Variants in SH3BP4 observed in about 807,000 individuals in gnomAD.
SH3BP4 encodes SH3 domain binding protein 4.
A neutral mutation model predicts 65.5 loss-of-function variants in SH3BP4; 33 were observed. The ratio of observed to expected loss-of-function variants is 0.50; its 90% CI spans 0.38 to 0.67. SH3BP4 has a LOEUF of 0.67. SH3BP4 is among the 30% of genes least tolerant of loss of function. The pLI, the probability that SH3BP4 is intolerant of heterozygous loss-of-function variation, is 0.00. For missense variants in SH3BP4, 1,134 were observed against 1,261.4 expected (o/e 0.90, Z 1.53); for synonymous variants, 552 against 545.5 (o/e 1.01, Z -0.17).
At chr2:234,986,017 A>C (rs1693545263) in intron 1 of SH3BP4, among the ~76,000 whole-genome samples, 1 of 151,390 alleles carries the variant, frequency 6.6e-6, no homozygotes, top group South Asian at 2.1e-4. Context: ...CTACGAGAAT[A>C]GGGTCCACGT....
intron 3 of SH3BP4, among the ~76,000 whole-genome samples, chr2:235,037,322 T>C (rs1695417796): frequency 6.6e-6 from 1 of 152,036 alleles, no homozygotes; most frequent in Non-Finnish European, 1.5e-5. Flanking sequence ...GAGGGCCTCA[T>C]CTAGAAGGGG....
chr2:234,959,656 T>C (rs1056213972), intron 1 of SH3BP4, among the ~76,000 whole-genome samples: 1 of 5,234 alleles, frequency 1.9e-4, no homozygotes, highest in African/African-American at 6.3e-4. Flanking sequence ...GATTTGACTT[T>C]TTTTTTTTTT....
chr2:235,021,638 GATAATA>G (rs1212473518), intron 2 of SH3BP4, among the ~76,000 whole-genome samples: 1 of 145,538 alleles, frequency 6.9e-6, no homozygotes, highest in Non-Finnish European at 1.5e-5. Context: ...AAAAAAAAAT[GATAATA>G]ATAAAGTTTA....
chr2:234,954,538 A>T (rs537070236), intron 1 of SH3BP4, among the ~76,000 whole-genome samples: 3 of 152,116 alleles, frequency 2.0e-5, no homozygotes, highest in African/African-American at 7.2e-5. Flanking sequence ...TTGTCTGTTC[A>T]TGTATTGTGC....
At chr2:234,981,151 A>G (rs567064125) in intron 1 of SH3BP4, among the ~76,000 whole-genome samples, 1 of 152,224 alleles carries the variant, frequency 6.6e-6, no homozygotes, top group Admixed American at 6.5e-5. Context: ...ACAATTCTGA[A>G]TTTTTCTGTC....
intron 1 of SH3BP4, among the ~76,000 whole-genome samples, chr2:234,983,068 C>T (rs985199646): frequency 6.6e-6 from 1 of 152,152 alleles, no homozygotes; most frequent in Non-Finnish European, 1.5e-5. Flanking sequence ...GCTATTGATG[C>T]AGCTGCTGCT....
At chr2:235,039,481 T>TA (rs61191874) in intron 3 of SH3BP4, among the ~76,000 whole-genome samples, 23 of 142,328 alleles carry the variant, frequency 1.6e-4, no homozygotes, top group Admixed American at 2.8e-4. Flanking sequence ...TTTGGCAACT[T>TA]AAAAAAAAAA....
Position 235,042,209 on chromosome 2 carries a change from C to T in SH3BP4, c.1440C>T (p.Gly480=), listed in dbSNP as rs1391778089. 6.2e-7 allele frequency: 1 copy of T among 1,614,084 alleles called. No individual in the cohort carries two copies. The highest frequency in any genetic ancestry group is 1.7e-5 in the Admixed American group (1 of 60,020). Residue 480 remains glycine (G), a synonymous_variant, in exon 4 of 6, where the codon GGC becomes GGT. Coordinates refer to ENST00000392011, the MANE Select transcript of SH3BP4 (RefSeq NM_014521.3). The surrounding 1 kb of genome is among the most constrained non-coding windows in gnomAD (Gnocchi z 7.3). ...AAAAAGTCACAGTGGGTCTCTACGG[C>T]CCTAAACACATCCACCCATCCTTCA... ...INKKVTVGLY[G]PKHIHPSFKT...
At chr2:234,971,062 C>T (rs186378378) in intron 1 of SH3BP4, among the ~76,000 whole-genome samples, 4 of 152,268 alleles carry the variant, frequency 2.6e-5, no homozygotes, top group Non-Finnish European at 5.9e-5. Context: ...ATGTTATCAT[C>T]CTAACCATCT....
At chr2:234,955,225 G>T (rs1692559271) in intron 1 of SH3BP4, among the ~76,000 whole-genome samples, 1 of 152,076 alleles carries the variant, frequency 6.6e-6, no homozygotes, top group African/African-American at 2.4e-5. Context: ...CTCAGTGCGC[G>T]GGTCAGCTTT....
intron 4 of SH3BP4, among the ~76,000 whole-genome samples, chr2:235,044,871 T>C (rs1054422076): frequency 1.3e-5 from 2 of 152,084 alleles, no homozygotes; most frequent in African/African-American, 4.8e-5. Context: ...GCCAGAAGCA[T>C]GGAGCCACGA....
At chr2:234,992,836 C>T (rs750111765) in intron 1 of SH3BP4, among the ~76,000 whole-genome samples, 35 of 149,400 alleles carry the variant, frequency 2.3e-4, no homozygotes, top group Admixed American at 4.0e-4. Context: ...GAGATGGACA[C>T]GTTCCTGCCG....
intron 2 of SH3BP4, among the ~76,000 whole-genome samples, chr2:235,009,183 T>C (rs1441570760): frequency 1.3e-5 from 2 of 152,182 alleles, no homozygotes; most frequent in African/African-American, 4.8e-5. Context: ...TAACCAGGCT[T>C]CCCAGAGTGC....
At chr2:234,954,646 TG>T (rs1372259210) in intron 1 of SH3BP4, among the ~76,000 whole-genome samples, 3 of 152,250 alleles carry the variant, frequency 2.0e-5, no homozygotes, top group Non-Finnish European at 4.4e-5. Flanking sequence ...CTGGGCTGCT[TG>T]AATAGACTTT....
rs950066706 is a variant in SH3BP4, at chr2:234,991,107, T to G, written c.-206-4196T>G. On this transcript the variant is annotated intron_variant, in intron 1 of 5. Transcript: ENST00000392011. The surrounding 1 kb of genome is among the most constrained non-coding windows in gnomAD (Gnocchi z 4.2). ...GAGGTACTGGTGATGCATACAAATT[T>G]GGGGGGATGCAATTCCATCTATACC... 6.6e-6 allele frequency among the ~76,000 whole-genome samples: 1 copy of G among 152,134 alleles called. No homozygotes were observed. Among genetic ancestry groups the G allele is most frequent in the Non-Finnish European group, 1.5e-5 (1 of 68,024 alleles).
intron 2 of SH3BP4, among the ~76,000 whole-genome samples, chr2:235,005,090 T>C (rs570082015): frequency 1.4e-4 from 21 of 152,340 alleles, no homozygotes; most frequent in Admixed American, 2.6e-4. Context: ...AACACAGGAC[T>C]GCGAGGAAGC....
At chr2:234,979,711 A>G (rs938876153) in intron 1 of SH3BP4, 3 of 152,264 alleles carry the variant, frequency 2.0e-5, no homozygotes, top group African/African-American at 7.2e-5. Context: ...TAGAGAGGCC[A>G]TGTGGCAAGG....
intron 1 of SH3BP4, among the ~76,000 whole-genome samples, chr2:234,973,086 G>A (rs997861126): frequency 2.0e-5 from 3 of 152,074 alleles, no homozygotes; most frequent in Admixed American, 6.6e-5. Flanking sequence ...ATAGAGCCTC[G>A]GAAAGAAATT....
At chr2:234,958,360 G>C (rs1692633787) in intron 1 of SH3BP4, among the ~76,000 whole-genome samples, 2 of 152,228 alleles carry the variant, frequency 1.3e-5, no homozygotes, top group Admixed American at 6.5e-5. Context: ...ATGGTGAGCG[G>C]GGCTGGGACT....
Sources: allele counts gnomAD v4.1 joint callset (sites outside exome capture counted in the v4.1 genomes callset), GRCh38; gene constraint gnomAD v4.1.1; non-coding constraint Gnocchi (gnomAD v3.1); transcripts MANE v1.5; gene names NCBI Gene and HGNC (gene_info 2026-07-23, HGNC 2026-07-21).